The following DGKB variants were observed in gnomAD, a reference collection of about 807,000 sequenced individuals.
DGKB encodes diacylglycerol kinase beta.
A neutral mutation model predicts 114.3 loss-of-function variants in DGKB; 67 were observed. The ratio of observed to expected loss-of-function variants is 0.59; its 90% CI spans 0.48 to 0.72. The LOEUF (loss-of-function observed/expected upper bound fraction) is 0.72, where lower values mean the gene tolerates loss of function less well. DGKB is among the 30% of genes least tolerant of loss of function. The pLI, the probability that DGKB is intolerant of heterozygous loss-of-function variation, is 0.00. For missense variants in DGKB, 907 were observed against 975.2 expected (o/e 0.93, Z 0.93); for synonymous variants, 398 against 323.1 (o/e 1.23, Z -2.49).
chr7:14,463,080 C>A (rs10281980), intron 21 of DGKB, among the ~76,000 whole-genome samples: 3,979 of 152,164 alleles, frequency 0.026, 188 homozygotes, highest in African/African-American at 0.09. Context: ...ACACTTTATA[C>A]AAAAATTAAC....
intron 20 of DGKB, among the ~76,000 whole-genome samples, chr7:14,491,220 G>A (rs1784552795): frequency 6.6e-6 from 1 of 151,880 alleles, no homozygotes; most frequent in Non-Finnish European, 1.5e-5. Flanking sequence ...TTAATCATGG[G>A]GGCTTTTTCC....
intron 23 of DGKB, among the ~76,000 whole-genome samples, chr7:14,179,286 G>C (rs901695684): frequency 6.6e-6 from 1 of 152,172 alleles, no homozygotes. Context: ...ATTTAACTCA[G>C]AGTGCTGAGA....
rs62444609 is a variant in DGKB at position 14,396,781 on chromosome 7, G to A, written c.1836-51390C>T. Among the ~76,000 whole-genome samples, 790 of 152,254 alleles carry A rather than the reference G, an allele frequency of 5.2e-3. 6 individuals carry two copies. The highest frequency in any genetic ancestry group is 0.017 in the Middle Eastern group (5 of 294). The stretch of plus-strand genomic sequence containing the variant: ...ACCAAGCTCTCTTTTAGCTAAAGCT[G>A]CCATGCTATGTGACTATCTACTGAG... On this transcript the variant is annotated intron_variant, in intron 21 of 25. Transcript: ENST00000402815.
In DGKB at chr7:14,723,819, G is replaced by A. The variant is rs187034990; in HGVS notation, c.323-5134C>T. On this transcript the variant is annotated intron_variant, in intron 5 of 25. Transcript: ENST00000402815. The stretch of plus-strand genomic sequence containing the variant: ...AAAAGTAGTTAGCATTAGTCATATC[G>A]AATGTTGCCTATGATTATCACATTT... Among the ~76,000 whole-genome samples, 261 of 152,004 alleles carry A rather than the reference G, an allele frequency of 1.7e-3. 2 individuals are homozygous for A. The highest frequency in any genetic ancestry group is 7.3e-3 in the South Asian group (35 of 4,812).
intron 23 of DGKB, among the ~76,000 whole-genome samples, chr7:14,237,348 C>A (rs1007281851): frequency 6.6e-6 from 1 of 151,776 alleles, no homozygotes; most frequent in Admixed American, 6.6e-5. Flanking sequence ...CTCCCTCTTT[C>A]CTTCCTTCTA....
chr7:14,653,545 A>G (rs184643588), intron 13 of DGKB, among the ~76,000 whole-genome samples: 260 of 152,102 alleles, frequency 1.7e-3, no homozygotes, highest in African/African-American at 5.8e-3. Flanking sequence ...CGGGAGATAT[A>G]CCTAATGCTA....
chr7:14,438,363 A>G (rs943445466), intron 21 of DGKB, among the ~76,000 whole-genome samples: 1 of 152,052 alleles, frequency 6.6e-6, no homozygotes, highest in Admixed American at 6.6e-5. Context: ...CATTTGGAGG[A>G]CTCAGCACAG....
rs992831890 is a variant in DGKB at position 14,554,094 on chromosome 7, G to A, written c.1770+20118C>T. On this transcript the variant is annotated intron_variant, in intron 20 of 25. Coordinates refer to ENST00000402815, the MANE Select transcript of DGKB (RefSeq NM_001350709.2). ...TCACTGTGTTAGCCAGGATGATCTC[G>A]ATCTCCTGACCTCGTGATCTGCCCA... 4.0e-5 allele frequency among the ~76,000 whole-genome samples: 6 copies of A among 151,730 alleles called. No individual in the cohort carries two copies. The South Asian group carries it at 8.3e-4, about 21-fold the overall frequency.
intron 13 of DGKB, among the ~76,000 whole-genome samples, chr7:14,668,826 T>G (rs1268732256): frequency 1.3e-5 from 2 of 152,088 alleles, no homozygotes; most frequent in African/African-American, 4.8e-5. Context: ...TATTCTCAAC[T>G]CTCTGGCTGC....
chr7:14,907,953 T>C (rs973387925), upstream of DGKB, among the ~76,000 whole-genome samples: 1 of 152,158 alleles, frequency 6.6e-6, no homozygotes, highest in African/African-American at 2.4e-5. Context: ...CAAAACACGA[T>C]TTAAAGCACA....
At chr7:14,462,941 A>G (rs1833300557) in intron 21 of DGKB, among the ~76,000 whole-genome samples, 1 of 152,138 alleles carries the variant, frequency 6.6e-6, no homozygotes, top group African/African-American at 2.4e-5. Flanking sequence ...AATGCCACAC[A>G]TTTACAACCA....
chr7:14,851,521 C>T (rs1294296795), intron 1 of DGKB, among the ~76,000 whole-genome samples: 1 of 152,050 alleles, frequency 6.6e-6, no homozygotes, highest in Non-Finnish European at 1.5e-5. Context: ...ATGATAGATC[C>T]TATTTTCCAA....
chr7:14,832,132 C>A (rs188245094), intron 2 of DGKB, among the ~76,000 whole-genome samples: 1 of 151,926 alleles, frequency 6.6e-6, no homozygotes, highest in Admixed American at 6.6e-5. Context: ...TTGAAATAGT[C>A]TTTTTTATTT....
chr7:14,518,391 C>A (rs918097129), intron 20 of DGKB, among the ~76,000 whole-genome samples: 4 of 151,798 alleles, frequency 2.6e-5, no homozygotes, highest in Admixed American at 1.3e-4. Flanking sequence ...GCAAAATAAT[C>A]TGTATATCAA....
chr7:14,840,230 T>G (rs1847735434), intron 2 of DGKB, among the ~76,000 whole-genome samples: 1 of 152,160 alleles, frequency 6.6e-6, no homozygotes, highest in Non-Finnish European at 1.5e-5. Context: ...GTTTGGTTCT[T>G]TTTCTCCTTT....
chr7:14,783,697 C>A (rs1454193140), intron 2 of DGKB, among the ~76,000 whole-genome samples: 1 of 152,130 alleles, frequency 6.6e-6, no homozygotes, highest in African/African-American at 2.4e-5. Flanking sequence ...TTGGCAATTA[C>A]CTTTCTCCAC....
At chr7:14,874,131 C>A (rs993777278) in intron 1 of DGKB, among the ~76,000 whole-genome samples, 7 of 152,052 alleles carry the variant, frequency 4.6e-5, no homozygotes, top group Non-Finnish European at 8.8e-5. Context: ...TATCTAGCAG[C>A]ACCACTTACA....
intron 17 of DGKB, among the ~76,000 whole-genome samples, chr7:14,598,511 T>A (rs1802977447): frequency 6.6e-6 from 1 of 152,220 alleles, no homozygotes; most frequent in Admixed American, 6.5e-5. Context: ...TTGTGTTTAC[T>A]GATTTCTGCA....
intron 20 of DGKB, among the ~76,000 whole-genome samples, chr7:14,488,793 A>AC (rs1334161600): frequency 1.3e-5 from 2 of 151,126 alleles, no homozygotes; most frequent in Non-Finnish European, 3.0e-5. Flanking sequence ...GCGCCACTGC[A>AC]CTCCATCCAA....
Sources: gnomAD v4.1 joint callset for allele counts (sites outside exome capture counted in the v4.1 genomes callset) on GRCh38, gnomAD v4.1.1 for gene constraint, MANE v1.5 for transcripts, NCBI Gene and HGNC (gene_info 2026-07-23, HGNC 2026-07-21) for gene names.